SPTLC2: variants seen among roughly 807,000 people sequenced by gnomAD.
The protein encoded by SPTLC2 is serine palmitoyltransferase long chain base subunit 2.
In SPTLC2, 21 loss-of-function variants were observed where a neutral mutation model predicts 62.0. That is an observed-to-expected ratio of 0.34 (90% CI 0.24 to 0.49). The LOEUF is 0.49. Ranked by LOEUF, SPTLC2 falls within the 20% of genes least tolerant of loss-of-function variation. The pLI is 0.99. For synonymous variants in SPTLC2, 261 were observed against 261.8 expected (o/e 1.00, Z 0.03); for missense variants, 511 against 713.0 (o/e 0.72, Z 3.23).
intron 1 of SPTLC2, among the ~76,000 whole-genome samples, chr14:77,606,161 C>T (rs1280872418): frequency 2.0e-5 from 3 of 152,186 alleles, no homozygotes; most frequent in East Asian, 3.9e-4. Context: ...GAAACCCTCT[C>T]TCTACTGAAA....
intron 1 of SPTLC2, among the ~76,000 whole-genome samples, chr14:77,615,331 T>C (rs189665084): frequency 1.3e-5 from 2 of 152,378 alleles, no homozygotes; most frequent in Non-Finnish European, 2.9e-5. Flanking sequence ...AAATGCTTTA[T>C]TTTCTGCTTC....
At chr14:77,555,777 C>T (rs1163277075) in intron 7 of SPTLC2, among the ~76,000 whole-genome samples, 1 of 151,988 alleles carries the variant, frequency 6.6e-6, no homozygotes, top group East Asian at 1.9e-4. Flanking sequence ...CACCACCACG[C>T]CCAGATAATG....
rs3080470 is a variant in SPTLC2, at chr14:77,564,236, GAA to G, written c.757-1749_757-1748del. ...AACAGAGGGAGACTCTGTCTGGGGG[GAA>G]AAAAAAAAAAAAAAGGAGGAGGAGG... On this transcript the variant is annotated intron_variant, in intron 5 of 11. Transcript: ENST00000216484. Among the ~76,000 whole-genome samples, 117 of 110,620 alleles carry G rather than the reference GAA, an allele frequency of 1.1e-3. 1 individual carries two copies. Among genetic ancestry groups the G allele is most frequent in the African/African-American group, 3.7e-3 (108 of 29,402 alleles). The allele number at this position is 110,620 out of a possible 152,430, so 72.6% of individuals were successfully genotyped here. A position where few individuals can be genotyped will look rare whatever the true frequency, so the allele number is the denominator to read the frequency against.
At chr14:77,616,341 C>T in intron 1 of SPTLC2, 107 bp downstream of exon 1, 2 of 659,172 alleles carry the variant, frequency 3.0e-6, no homozygotes, top group Non-Finnish European at 4.1e-6. Flanking sequence ...CGAACGGCGC[C>T]CGCCCCGCGG....
intron 6 of SPTLC2, among the ~76,000 whole-genome samples, chr14:77,558,962 A>G (rs1442928280): frequency 1.3e-5 from 2 of 152,182 alleles, no homozygotes; most frequent in African/African-American, 4.8e-5. Context: ...CACAGGAATT[A>G]TTTTAGTTTT....
intron 9 of SPTLC2, among the ~76,000 whole-genome samples, chr14:77,542,235 G>GT (rs1424748902): frequency 1.1e-4 from 16 of 151,750 alleles, no homozygotes; most frequent in South Asian, 4.2e-4. Context: ...TTTCTTTTGT[G>GT]TTTTTTTTCA....
intron 7 of SPTLC2, 114 bp from the exon 8 acceptor site, chr14:77,555,633 T>C (rs2079579305): frequency 3.7e-6 from 4 of 1,068,224 alleles, no homozygotes; most frequent in Admixed American, 4.3e-5. Flanking sequence ...TTTTTTTTCT[T>C]GGGACAGAGT....
At chr14:77,533,132 T>C (rs1056591841) in intron 9 of SPTLC2, among the ~76,000 whole-genome samples, 6 of 151,930 alleles carry the variant, frequency 3.9e-5, no homozygotes, top group African/African-American at 1.2e-4. Context: ...ACCCTGTCTC[T>C]ACTAAAAAAA....
chr14:77,578,960 G>A lies in SPTLC2; in HGVS notation c.477C>T (p.Ser159=), dbSNP rs769368301. The change falls in exon 3 of 12, where the codon TCC becomes TCT. Residue 159 remains serine (S), a synonymous_variant. Transcript: ENST00000216484. ...MERQSHDYNW[S]FKYTGNIIKG... ...ATTTCCCAACCAAGACTCACTTGAA[G>A]GACCAGTTATAATCATGAGACTGTC... is the stretch of plus-strand genomic sequence containing the variant. 6.2e-7 allele frequency: 1 copy of A among 1,613,994 alleles called. No individual in the cohort carries two copies. Among genetic ancestry groups the A allele is most frequent in the Admixed American group, 1.7e-5 (1 of 59,994 alleles).
chr14:77,574,557 G>T (rs2079703130), intron 4 of SPTLC2, among the ~76,000 whole-genome samples: 1 of 152,190 alleles, frequency 6.6e-6, no homozygotes, highest in African/African-American at 2.4e-5. Flanking sequence ...GTTCACAGCA[G>T]CACTGCTGAC....
intron 8 of SPTLC2, among the ~76,000 whole-genome samples, chr14:77,552,881 G>C (rs2079563227): frequency 6.6e-6 from 1 of 151,058 alleles, no homozygotes; most frequent in Non-Finnish European, 1.5e-5. Context: ...TTGCTTTTTA[G>C]ATATAATGAT....
Position 77,555,518 on chromosome 14 carries a change from T to G in SPTLC2, c.958A>C (p.Met320Leu), listed in dbSNP as rs1440656780. ...ILILVEGIYS[M>L]EGSIVRLPEV... is the part of the protein sequence containing the mutation. ...GGAAGACGAACAATAGATCCCTCCA[T>G]GCTGGCAAAACATGAAAAAATATAT... The change falls in exon 8 of 12, where the codon ATG becomes CTG. Residue 320 changes from methionine to leucine, a missense_variant and splice_region_variant. By Grantham distance (15) the Met-to-Leu change is conservative. Transcript: ENST00000216484. The G allele has an allele frequency of 6.2e-7, 1 of 1,614,150 alleles. No homozygotes were observed. Among genetic ancestry groups the G allele is most frequent in the South Asian group, 1.1e-5 (1 of 91,082 alleles).
chr14:77,584,464 T>A (rs1396323897), intron 2 of SPTLC2, among the ~76,000 whole-genome samples: 1 of 152,216 alleles, frequency 6.6e-6, no homozygotes, highest in African/African-American at 2.4e-5. Context: ...CATATTTATA[T>A]ACTTATATAT....
chr14:77,512,323 C>T lies in SPTLC2; in HGVS notation c.1650G>A (p.Arg550=), dbSNP rs1259963268. The T allele has an allele frequency of 1.2e-6, 2 of 1,614,158 alleles. No homozygotes were observed. Among genetic ancestry groups the T allele is most frequent in the Middle Eastern group, 1.7e-4 (1 of 6,060 alleles). The part of the protein sequence containing the change: ...SRHRLVPLLD[R]PFDETTYEET... The stretch of plus-strand genomic sequence containing the variant: ...CTTCATACGTCGTCTCGTCAAAGGG[C>T]CTGTCCAGTAGAGGTACCAACCGAT... Residue 550 remains arginine, a synonymous_variant, in exon 12 of 12, where the codon AGG becomes AGA. Transcript: ENST00000216484.
intron 5 of SPTLC2, among the ~76,000 whole-genome samples, chr14:77,568,436 T>C (rs56264628): frequency 0.078 from 11,918 of 152,252 alleles, 597 homozygotes; most frequent in Admixed American, 0.15. Flanking sequence ...GACTCTCAAT[T>C]AGGTCAACTG....
chr14:77,601,814 T>C (rs2140059817), intron 1 of SPTLC2, among the ~76,000 whole-genome samples: 1 of 152,306 alleles, frequency 6.6e-6, no homozygotes. Context: ...AATCTCTCCC[T>C]TCTCTTAATT....
chr14:77,539,412 T>C (rs962109474), intron 9 of SPTLC2, among the ~76,000 whole-genome samples: 6 of 150,884 alleles, frequency 4.0e-5, no homozygotes, highest in Non-Finnish European at 7.4e-5. Flanking sequence ...TAAGAAATAA[T>C]TGTAATCTAA....
chr14:77,610,736 T>C (rs2079930857), intron 1 of SPTLC2, among the ~76,000 whole-genome samples: 1 of 151,666 alleles, frequency 6.6e-6, no homozygotes, highest in Non-Finnish European at 1.5e-5. Flanking sequence ...AGGATGCTTG[T>C]GGTCAGGAGT....
intron 5 of SPTLC2, among the ~76,000 whole-genome samples, chr14:77,569,051 G>A (rs2079662770): frequency 6.6e-6 from 1 of 152,024 alleles, no homozygotes; most frequent in African/African-American, 2.4e-5. Context: ...GGCATAAATG[G>A]GATAAGCACC....
Sources: gnomAD v4.1 joint callset for allele counts (sites outside exome capture counted in the v4.1 genomes callset) on GRCh38, gnomAD v4.1.1 for gene constraint, MANE v1.5 for transcripts, NCBI Gene and HGNC (gene_info 2026-07-23, HGNC 2026-07-21) for gene names.